HIVEP3: variants seen among roughly 807,000 people sequenced by gnomAD.
The protein encoded by HIVEP3 is HIVEP zinc finger 3.
Under a neutral mutation model 152.8 loss-of-function variants are expected in HIVEP3, and 49 were observed. That is an observed-to-expected ratio of 0.32 (90% confidence interval 0.26 to 0.41). The LOEUF is 0.41. HIVEP3 is among the 10% of genes least tolerant of loss of function. The pLI, the probability that HIVEP3 is intolerant of heterozygous loss-of-function variation, is 1.00. For missense variants in HIVEP3, 2,790 were observed against 3,103.3 expected (o/e 0.90, Z 2.40); for synonymous variants, 1,269 against 1,289.0 (o/e 0.98, Z 0.33).
intron 1 of HIVEP3, among the ~76,000 whole-genome samples, chr1:41,714,077 G>A (rs970756373): frequency 3.3e-5 from 5 of 152,206 alleles, no homozygotes; most frequent in African/African-American, 9.7e-5. Context: ...ACAGGGGCCC[G>A]GGTTCTCAAG....
intron 3 of HIVEP3, 134 bp from the exon 4 acceptor site, chr1:41,585,452 G>C: frequency 2.5e-6 from 1 of 397,326 alleles, no homozygotes; most frequent in Non-Finnish European, 4.4e-6. Context: ...AAGTTAACCA[G>C]GGAAACTCAA....
intron 5 of HIVEP3, among the ~76,000 whole-genome samples, chr1:41,562,643 C>CCCTT (rs141617604): frequency 2.5e-5 from 3 of 119,392 alleles, no homozygotes; most frequent in African/African-American, 9.7e-5. Flanking sequence ...CCCTCTCTCT[C>CCCTT]TCTTTCTTTC....
intron 1 of HIVEP3, among the ~76,000 whole-genome samples, chr1:41,764,330 T>C (rs1310767536): frequency 6.6e-6 from 1 of 151,734 alleles, no homozygotes; most frequent in Non-Finnish European, 1.5e-5. Context: ...CTGAAATCAA[T>C]CAGAAAAGAA....
chr1:41,816,097 C>CA (rs371391507), intron 1 of HIVEP3, among the ~76,000 whole-genome samples: 71 of 152,288 alleles, frequency 4.7e-4, no homozygotes, highest in African/African-American at 1.6e-3. Flanking sequence ...GCAGTACCAG[C>CA]ATTTGAACCC....
intron 1 of HIVEP3, among the ~76,000 whole-genome samples, chr1:41,787,700 T>TAA (rs1430699461): frequency 3.5e-5 from 5 of 144,454 alleles, no homozygotes; most frequent in African/African-American, 1.4e-4. Flanking sequence ...AAAAAAATTT[T>TAA]TTTTTTTTTT....
upstream of HIVEP3, among the ~76,000 whole-genome samples, chr1:41,920,294 A>G (rs1570811312): frequency 6.6e-6 from 1 of 152,148 alleles, no homozygotes; most frequent in South Asian, 2.1e-4. Flanking sequence ...ACCTGAGCCC[A>G]GGAGGCTCTG....
chr1:41,796,040 A>T (rs765813574), intron 1 of HIVEP3, among the ~76,000 whole-genome samples: 22 of 152,204 alleles, frequency 1.4e-4, no homozygotes, highest in Non-Finnish European at 2.9e-4. Context: ...AGGCTCTTTC[A>T]GCGGACAGAA....
At chr1:41,681,700 T>G (rs1646041536) in intron 2 of HIVEP3, among the ~76,000 whole-genome samples, 1 of 152,002 alleles carries the variant, frequency 6.6e-6, no homozygotes, top group South Asian at 2.1e-4. Flanking sequence ...ACCATCCTAA[T>G]GGGATGGGCA....
chr1:42,016,582 T>C (rs1645524446), intron 1 of HIVEP3, among the ~76,000 whole-genome samples: 1 of 152,170 alleles, frequency 6.6e-6, no homozygotes, highest in African/African-American at 2.4e-5. Context: ...TGACTATATG[T>C]GATCATTTTA....
chr1:41,743,966 T>A (rs1216653718), intron 1 of HIVEP3, among the ~76,000 whole-genome samples: 1 of 152,098 alleles, frequency 6.6e-6, no homozygotes, highest in African/African-American at 2.4e-5. Flanking sequence ...AATTCTTCCA[T>A]CCTTAGGCAC....
At chr1:41,952,708 C>A (rs935852723) in intron 1 of HIVEP3, among the ~76,000 whole-genome samples, 11 of 152,132 alleles carry the variant, frequency 7.2e-5, no homozygotes, top group African/African-American at 2.7e-4. Context: ...AGGACATGCA[C>A]ATTATTTAAA....
In HIVEP3 at chr1:41,583,928, G is replaced by A. The variant is rs557185837; in HGVS notation, c.870C>T (p.Ala290=). ...AGAGCTCTGCAGGGTGACCAGAGGT[G>A]GCACTAGTCTCCTCTTCAGAATCTG... ...ESTDSEEETS[A]TSGHPAELSP... The change falls in exon 4 of 9, where the codon GCC becomes GCT. Residue 290 remains alanine (A), a synonymous_variant. Transcript: ENST00000372583. The surrounding 1 kb of genome is among the most constrained non-coding windows in gnomAD (Gnocchi z 6.9). 3.1e-6 allele frequency: 5 copies of A among 1,614,036 alleles called. No homozygotes were observed. In the African/African-American group the frequency reaches 4.0e-5, roughly 13 times the overall value.
At chr1:42,007,656 C>G (rs929067165) in intron 1 of HIVEP3, among the ~76,000 whole-genome samples, 5 of 152,158 alleles carry the variant, frequency 3.3e-5, no homozygotes, top group Non-Finnish European at 1.5e-5. Context: ...TGGGAGAAGA[C>G]ACTGACACAG....
chr1:41,876,116 GT>G (rs67320823), intron 1 of HIVEP3, among the ~76,000 whole-genome samples: 1,504 of 146,668 alleles, frequency 0.01, 22 homozygotes, highest in African/African-American at 0.033. Context: ...AGAGTGTTAA[GT>G]TTTTTTTTTT....
Position 41,582,313 on chromosome 1 carries a change from G to A in HIVEP3, c.2485C>T (p.Pro829Ser). Residue 829 changes from proline to serine, a missense_variant, in exon 4 of 9, where the codon CCA (proline) becomes TCA (serine). By Grantham distance (74) the Pro-to-Ser change is moderately conservative. Transcript: ENST00000372583. This position sits in a 1 kb window ranked among gnomAD's most constrained non-coding sequence, Gnocchi z 4.7. ...CCGTGTGGGGCAGGTGGGGGTGATGGGAACTGGGCCAGAGGTTTGTCTTCC... is the reference window on the plus strand; with the variant it reads ...CCGTGTGGGGCAGGTGGGGGTGATGAGAACTGGGCCAGAGGTTTGTCTTCC... Reference protein sequence around the residue: ...EGEDKPLAQFPSPPPAPHGRS... With the variant: ...EGEDKPLAQFSSPPPAPHGRS... The A allele has an allele frequency of 1.2e-6, 2 of 1,614,172 alleles. No individual in the cohort carries two copies. The highest frequency in any genetic ancestry group is 8.5e-7 in the Non-Finnish European group (1 of 1,180,026).
chr1:41,695,508 C>G (rs1447606789), intron 2 of HIVEP3, among the ~76,000 whole-genome samples: 2 of 152,192 alleles, frequency 1.3e-5, no homozygotes, highest in Admixed American at 6.5e-5. Context: ...GGATGAGCAG[C>G]CTACAAGCCT....
intron 1 of HIVEP3, among the ~76,000 whole-genome samples, chr1:41,938,754 C>T (rs1161414317): frequency 1.3e-5 from 2 of 152,212 alleles, no homozygotes; most frequent in African/African-American, 4.8e-5. Context: ...TAGTGACAAT[C>T]TGGTTCTTAG....
At chr1:41,993,875 T>A (rs1268179654) in intron 1 of HIVEP3, among the ~76,000 whole-genome samples, 1 of 151,860 alleles carries the variant, frequency 6.6e-6, no homozygotes, top group East Asian at 1.9e-4. Flanking sequence ...TTGGAAATCA[T>A]CATTCTCAAT....
chr1:41,869,145 G>A (rs529780589), intron 1 of HIVEP3, among the ~76,000 whole-genome samples: 28 of 152,186 alleles, frequency 1.8e-4, no homozygotes, highest in African/African-American at 6.5e-4. Context: ...CTCTCCCATC[G>A]ACCTGCTTGT....
Sources: gnomAD v4.1 joint callset for allele counts (sites outside exome capture counted in the v4.1 genomes callset) on GRCh38, gnomAD v4.1.1 for gene constraint, Gnocchi (gnomAD v3.1) non-coding constraint, MANE v1.5 for transcripts, NCBI Gene and HGNC (gene_info 2026-07-23, HGNC 2026-07-21) for gene names.